LGR5: variants seen among roughly 807,000 people sequenced by gnomAD.
The protein encoded by LGR5 is leucine-rich repeat-containing G protein-coupled receptor 5.
Under a neutral mutation model 76.7 loss-of-function variants are expected in LGR5, and 54 were observed. That is an observed-to-expected ratio of 0.70 (90% confidence interval 0.57 to 0.88). LGR5 has a LOEUF of 0.88. Ranked by LOEUF, LGR5 falls within the 40% of genes least tolerant of loss-of-function variation. The probability of loss-of-function intolerance (pLI) is 0.00; values close to 1 mark genes in which losing one functional copy is unlikely to be tolerated. For synonymous variants in LGR5, 406 were observed against 421.9 expected (o/e 0.96, Z 0.46); for missense variants, 1,078 against 1,073.3 (o/e 1.00, Z -0.06).
chr12:71,475,554 T>G (rs1457064018), intron 1 of LGR5, among the ~76,000 whole-genome samples: 2 of 152,092 alleles, frequency 1.3e-5, no homozygotes, highest in Non-Finnish European at 2.9e-5. Flanking sequence ...GCCAATCTAT[T>G]GTAGTTTCTG....
intron 11 of LGR5, chr12:71,567,206 C>G: frequency 2.7e-6 from 1 of 375,650 alleles, no homozygotes; most frequent in Non-Finnish European, 5.0e-6. Flanking sequence ...CTTTATTTCC[C>G]CCTCTAAAGG....
At chr12:71,457,246 G>A (rs1472452220) in intron 1 of LGR5, among the ~76,000 whole-genome samples, 1 of 152,106 alleles carries the variant, frequency 6.6e-6, no homozygotes, top group Non-Finnish European at 1.5e-5. Flanking sequence ...AACAGAGTCC[G>A]GCCTGGCCGT....
In LGR5 at chr12:71,497,151, GA is replaced by G. The variant is rs574674611; in HGVS notation, c.213-7453del. Among the ~76,000 whole-genome samples the G allele has an allele frequency of 4.2e-4, 63 of 149,734 alleles. No individual in the cohort carries two copies. The South Asian group carries it at 6.8e-3, about 16-fold the overall frequency. ...CAACATAGTGAGACCTCATCTCTACGAAAAAAAAAATTAATTAGCCAAGTAT... is the reference window on the plus strand; with the variant it reads ...CAACATAGTGAGACCTCATCTCTACGAAAAAAAAATTAATTAGCCAAGTAT... On this transcript the variant is annotated intron_variant, in intron 1 of 17. Transcript: ENST00000266674.
chr12:71,522,899 T>C (rs547029515), intron 2 of LGR5, among the ~76,000 whole-genome samples: 2 of 152,278 alleles, frequency 1.3e-5, no homozygotes, highest in South Asian at 2.1e-4. Context: ...TATTAACTAA[T>C]TCAACAGCAC....
chr12:71,488,317 A>G (rs897183115), intron 1 of LGR5, among the ~76,000 whole-genome samples: 1 of 152,240 alleles, frequency 6.6e-6, no homozygotes, highest in African/African-American at 2.4e-5. Flanking sequence ...GATGCCATCT[A>G]CTTAAGTCAC....
At chr12:71,527,031 G>A (rs1876042922) in intron 3 of LGR5, among the ~76,000 whole-genome samples, 1 of 152,100 alleles carries the variant, frequency 6.6e-6, no homozygotes, top group Admixed American at 6.5e-5. Context: ...GATCCCATAT[G>A]TTAAGTCACA....
intron 2 of LGR5, among the ~76,000 whole-genome samples, chr12:71,516,299 A>G (rs1875432584): frequency 6.6e-6 from 1 of 152,172 alleles, no homozygotes; most frequent in Non-Finnish European, 1.5e-5. Context: ...AGAAGAAAGA[A>G]AATCAAAAAG....
intron 1 of LGR5, among the ~76,000 whole-genome samples, chr12:71,462,179 C>T (rs1468061173): frequency 6.6e-6 from 1 of 152,070 alleles, no homozygotes; most frequent in East Asian, 1.9e-4. Context: ...TGGGAAAACT[C>T]CAAATCCATA....
intron 1 of LGR5, among the ~76,000 whole-genome samples, chr12:71,475,931 C>T (rs1216067359): frequency 6.6e-6 from 1 of 152,040 alleles, no homozygotes; most frequent in Non-Finnish European, 1.5e-5. Context: ...TCCTTTCCTC[C>T]TTGGACGAAC....
At chr12:71,459,445 T>A (rs1872607401) in intron 1 of LGR5, among the ~76,000 whole-genome samples, 2 of 152,044 alleles carry the variant, frequency 1.3e-5, no homozygotes, top group African/African-American at 4.8e-5. Flanking sequence ...TGAGCCCCAC[T>A]CCCCACTGGA....
chr12:71,578,915 C>T lies in LGR5; in HGVS notation c.1392C>T (p.Asn464=). 6.2e-7 allele frequency: 1 copy of T among 1,600,680 alleles called. No individual in the cohort carries two copies. Among genetic ancestry groups the T allele is most frequent in the Non-Finnish European group, 8.5e-7 (1 of 1,174,714 alleles). ...HALQSLISSE[N]FPELKVIEMP... Reference sequence around the variant, plus strand: ...TACAGAGCTTGATATCATCTGAAAACTTTCCAGAACTCAAGTGAGTTTGTC... The same window carrying T: ...TACAGAGCTTGATATCATCTGAAAATTTTCCAGAACTCAAGTGAGTTTGTC... The change falls in exon 15 of 18, where the codon AAC becomes AAT. Residue 464 remains asparagine, a synonymous_variant. Coordinates refer to ENST00000266674, the MANE Select transcript of LGR5 (RefSeq NM_003667.4).
In LGR5 at chr12:71,584,582, G is replaced by C; in HGVS notation, c.2572G>C (p.Glu858Gln). The C allele has an allele frequency of 6.2e-7, 1 of 1,614,000 alleles. No homozygotes were observed. The highest frequency in any genetic ancestry group is 8.5e-7 in the Non-Finnish European group (1 of 1,180,014). ...SLMSINSDDVEKQSCDSTQAL... is the reference protein window; with the variant it reads ...SLMSINSDDVQKQSCDSTQAL... ...GATGTCAATTAACTCTGATGATGTC[G>C]AAAAACAGTCCTGTGACTCAACTCA... The change falls in exon 18 of 18, where the codon GAA (glutamate) becomes CAA (glutamine). Residue 858 changes from glutamate (E) to glutamine (Q), a missense_variant. Coordinates refer to ENST00000266674, the MANE Select transcript of LGR5 (RefSeq NM_003667.4).
chr12:71,464,049 T>C (rs537676786), intron 1 of LGR5, among the ~76,000 whole-genome samples: 25 of 152,290 alleles, frequency 1.6e-4, no homozygotes, highest in African/African-American at 6.0e-4. Context: ...AATATGTTAT[T>C]GTAGGGTGGA....
chr12:71,572,804 GA>G (rs1878672788), intron 12 of LGR5, 45 bp from the exon 13 acceptor site: 9 of 1,480,876 alleles, frequency 6.1e-6, no homozygotes, highest in Non-Finnish European at 7.5e-6. Flanking sequence ...TGTAGTCTTT[GA>G]AACCAGTAAC....
At chr12:71,472,577 C>T (rs1435244350) in intron 1 of LGR5, among the ~76,000 whole-genome samples, 1 of 152,200 alleles carries the variant, frequency 6.6e-6, no homozygotes, top group Non-Finnish European at 1.5e-5. Flanking sequence ...ACATATCTCC[C>T]ACATCAAACA....
chr12:71,570,201 C>A (rs1020521854), intron 11 of LGR5, among the ~76,000 whole-genome samples: 1 of 152,232 alleles, frequency 6.6e-6, no homozygotes, highest in African/African-American at 2.4e-5. Flanking sequence ...AAAGCTAATG[C>A]GTCCGGGGCT....
intron 1 of LGR5, among the ~76,000 whole-genome samples, chr12:71,492,376 A>G (rs1201858496): frequency 1.3e-5 from 2 of 152,178 alleles, no homozygotes; most frequent in Non-Finnish European, 2.9e-5. Context: ...AAACTAGTTC[A>G]GCATTTCAAC....
chr12:71,509,780 T>A (rs1172862342), intron 2 of LGR5, among the ~76,000 whole-genome samples: 1 of 152,184 alleles, frequency 6.6e-6, no homozygotes, highest in Non-Finnish European at 1.5e-5. Context: ...CAGATTCTAG[T>A]GCTATTGGAA....
intron 3 of LGR5, among the ~76,000 whole-genome samples, chr12:71,525,901 C>A (rs963617460): frequency 1.3e-5 from 2 of 151,034 alleles, no homozygotes; most frequent in African/African-American, 4.9e-5. Context: ...ACTAATTTTT[C>A]TATCATATTT....
Sources: allele counts gnomAD v4.1 joint callset (sites outside exome capture counted in the v4.1 genomes callset), GRCh38; gene constraint gnomAD v4.1.1; transcripts MANE v1.5; gene names NCBI Gene and HGNC (gene_info 2026-07-23, HGNC 2026-07-21).